The following PHF20 variants were observed in gnomAD, a reference collection of about 807,000 sequenced individuals.
PHF20 encodes glioma-expressed antigen 2.
Under a neutral mutation model 113.5 loss-of-function variants are expected in PHF20, and 23 were observed. That is an observed-to-expected ratio of 0.20 (90% CI 0.15 to 0.29). PHF20 has a LOEUF of 0.29. Ranked by LOEUF, PHF20 falls within the 10% of genes least tolerant of loss-of-function variation. PHF20 has a pLI of 1.00. For missense variants in PHF20, 943 were observed against 1,219.6 expected (o/e 0.77, Z 3.38); for synonymous variants, 434 against 457.3 (o/e 0.95, Z 0.65).
At chr20:35,815,705 T>G (rs1469915936) in intron 2 of PHF20, among the ~76,000 whole-genome samples, 1 of 151,872 alleles carries the variant, frequency 6.6e-6, no homozygotes, top group Non-Finnish European at 1.5e-5. Flanking sequence ...GACCTCGTGT[T>G]CCACCCGCCT....
In PHF20 at chr20:35,899,562, G is replaced by C. The variant is rs754032798; in HGVS notation, c.1475G>C (p.Arg492Thr). 3.2e-5 allele frequency: 52 copies of C among 1,613,978 alleles called. No individual in the cohort carries two copies. Among genetic ancestry groups the C allele is most frequent in the Non-Finnish European group, 3.6e-5 (42 of 1,179,980 alleles). Residue 492 changes from arginine to threonine, a missense_variant, in exon 10 of 18, where the codon AGG becomes ACG. Around this residue, in one of 3 missense-constraint regions of PHF20, gnomAD observed 592 missense variants for 787.2 expected, o/e 0.75. Transcript: ENST00000374012. ...GAGCCAGAAGAGAGCCCGGGAAAGA[G>C]GCATGTCCAAACCAGGGGCCCTTCA... The part of the protein sequence containing the change: ...SLEPEESPGK[R>T]HVQTRGPSAS...
chr20:35,856,910 GA>G (rs1457334415), intron 4 of PHF20, among the ~76,000 whole-genome samples: 5 of 152,220 alleles, frequency 3.3e-5, no homozygotes, highest in African/African-American at 1.2e-4. Flanking sequence ...ATTGGGGTCA[GA>G]TTGTGTTGGA....
At chr20:35,919,341 T>TC (rs901810900) in intron 13 of PHF20, among the ~76,000 whole-genome samples, 1 of 149,014 alleles carries the variant, frequency 6.7e-6, no homozygotes, top group African/African-American at 2.5e-5. Flanking sequence ...TGGTAATTTT[T>TC]TTTTTTTTTT....
chr20:35,893,208 T>G (rs2054909474), intron 9 of PHF20, among the ~76,000 whole-genome samples: 1 of 152,230 alleles, frequency 6.6e-6, no homozygotes, highest in Admixed American at 6.5e-5. Flanking sequence ...ATTTTTAACC[T>G]GTAAACTAAA....
At chr20:35,937,235 G>A (rs2055881759) in intron 15 of PHF20, among the ~76,000 whole-genome samples, 1 of 152,156 alleles carries the variant, frequency 6.6e-6, no homozygotes, top group Non-Finnish European at 1.5e-5. Context: ...TTGGGAGGTC[G>A]AGGTGGGCGG....
At chr20:35,828,316 G>A (rs1395336798) in intron 2 of PHF20, among the ~76,000 whole-genome samples, 4 of 152,094 alleles carry the variant, frequency 2.6e-5, no homozygotes, top group Admixed American at 1.3e-4. Flanking sequence ...GAGCCACCGC[G>A]CCCAGCCTCA....
intron 2 of PHF20, among the ~76,000 whole-genome samples, chr20:35,834,383 C>T (rs1267875678): frequency 6.6e-6 from 1 of 151,454 alleles, no homozygotes; most frequent in African/African-American, 2.4e-5. Context: ...TCTCGAGTAG[C>T]TGGGATTATA....
intron 17 of PHF20, 48 bp from the exon 18 acceptor site, chr20:35,947,437 T>A: frequency 6.3e-7 from 1 of 1,589,026 alleles, no homozygotes; most frequent in Non-Finnish European, 8.6e-7. Flanking sequence ...TTCTTGCAAA[T>A]CAAGTGTTGG....
chr20:35,851,340 C>T (rs932420594), intron 4 of PHF20, among the ~76,000 whole-genome samples: 3 of 152,130 alleles, frequency 2.0e-5, no homozygotes, highest in African/African-American at 7.2e-5. Context: ...TGACTGAAGT[C>T]TGCATTTATA....
chr20:35,935,688 A>T (rs2055851953), intron 15 of PHF20, among the ~76,000 whole-genome samples: 1 of 152,142 alleles, frequency 6.6e-6, no homozygotes, highest in Non-Finnish European at 1.5e-5. Context: ...CTGAATCCTC[A>T]TCTAGATCCT....
At chr20:35,903,208 A>C (rs2055137796) in intron 10 of PHF20, among the ~76,000 whole-genome samples, 2 of 150,882 alleles carry the variant, frequency 1.3e-5, no homozygotes, top group African/African-American at 4.9e-5. Context: ...GGGATTTGGA[A>C]ATTTCTTGGT....
chr20:35,863,133 G>A lies in PHF20; in HGVS notation c.541G>A (p.Glu181Lys), dbSNP rs201258218. ...AACAGTGAATGTGAAGAAAGACAAAGAAGATAAACCCTTAAAGACAGAAAA... is the reference window on the plus strand; with the variant it reads ...AACAGTGAATGTGAAGAAAGACAAAAAAGATAAACCCTTAAAGACAGAAAA... ...KATVNVKKDK[E>K]DKPLKTEKRP... is the part of the protein sequence containing the mutation. Residue 181 changes from glutamate (E) to lysine (K), a missense_variant, in exon 6 of 18, where the codon GAA becomes AAA. Coordinates refer to ENST00000374012, the MANE Select transcript of PHF20 (RefSeq NM_016436.5). 1.1e-4 allele frequency: 175 copies of A among 1,613,570 alleles called. 3 individuals carry two copies. The South Asian group carries it at 1.8e-3, about 17-fold the overall frequency.
At chr20:35,791,567 G>A (rs1467953343) in intron 1 of PHF20, among the ~76,000 whole-genome samples, 1 of 134,072 alleles carries the variant, frequency 7.5e-6, no homozygotes, top group African/African-American at 3.0e-5. Flanking sequence ...ATATATCTTA[G>A]AATTGTGTGT....
intron 13 of PHF20, among the ~76,000 whole-genome samples, chr20:35,920,824 G>A (rs911729546): frequency 2.6e-5 from 4 of 152,108 alleles, no homozygotes; most frequent in African/African-American, 9.7e-5. Flanking sequence ...GGGATTCAAG[G>A]GTACCTGATA....
At chr20:35,801,361 TGAG>T in intron 1 of PHF20, 127 bp from the exon 2 acceptor site, 1 of 549,750 alleles carries the variant, frequency 1.8e-6, no homozygotes, top group South Asian at 2.2e-5. Context: ...TGTGTTAGAA[TGAG>T]GACACCAACA....
chr20:35,772,770 CCT>C (rs900289459), intron 1 of PHF20, among the ~76,000 whole-genome samples: 3 of 152,072 alleles, frequency 2.0e-5, no homozygotes, highest in Non-Finnish European at 4.4e-5. Context: ...AGAGGTTCAC[CCT>C]GTTATCGGGT....
intron 2 of PHF20, among the ~76,000 whole-genome samples, chr20:35,802,692 C>T (rs556935232): frequency 8.6e-4 from 131 of 152,090 alleles, no homozygotes; most frequent in Non-Finnish European, 1.4e-3. Flanking sequence ...AATCCCAGCA[C>T]TTTGGGAGGC....
At chr20:35,862,648 C>A (rs1319596574) in intron 5 of PHF20, among the ~76,000 whole-genome samples, 1 of 152,080 alleles carries the variant, frequency 6.6e-6, no homozygotes, top group Admixed American at 6.6e-5. Flanking sequence ...ATGGGAGGAT[C>A]GCTTGGGCCT....
intron 1 of PHF20, among the ~76,000 whole-genome samples, chr20:35,797,261 C>T (rs1055568249): frequency 1.3e-5 from 2 of 151,542 alleles, no homozygotes; most frequent in African/African-American, 4.8e-5. Flanking sequence ...GCCTGTAATC[C>T]CAGCACTTTG....
Sources: allele counts gnomAD v4.1 joint callset (sites outside exome capture counted in the v4.1 genomes callset), GRCh38; gene constraint gnomAD v4.1.1; regional missense constraint gnomAD v4.1.1; transcripts MANE v1.5; gene names NCBI Gene and HGNC (gene_info 2026-07-23, HGNC 2026-07-21).